The following DCC variants were observed in gnomAD, a reference collection of about 807,000 sequenced individuals.
DCC encodes the protein DCC netrin 1 receptor.
A neutral mutation model predicts 172.5 loss-of-function variants in DCC; 58 were observed. That is an observed-to-expected ratio of 0.34 (90% CI 0.27 to 0.42). DCC has a LOEUF of 0.42. DCC is among the 10% of genes least tolerant of loss of function. The pLI is 1.00. For missense variants in DCC, 1,740 were observed against 1,791.0 expected (o/e 0.97, Z 0.51); for synonymous variants, 709 against 644.5 (o/e 1.10, Z -1.52).
At chr18:53,381,233 T>C (rs1473624846) in intron 15 of DCC, among the ~76,000 whole-genome samples, 1 of 152,100 alleles carries the variant, frequency 6.6e-6, no homozygotes, top group Non-Finnish European at 1.5e-5. Flanking sequence ...TTTTCTTTTT[T>C]AAAAAAGAAA....
intron 7 of DCC, among the ~76,000 whole-genome samples, chr18:53,068,183 G>A (rs2042600870): frequency 6.6e-6 from 1 of 152,116 alleles, no homozygotes; most frequent in Non-Finnish European, 1.5e-5. Flanking sequence ...ATTATTTTCT[G>A]CTGAACTAGT....
intron 1 of DCC, among the ~76,000 whole-genome samples, chr18:52,704,400 CT>C (rs1235687931): frequency 1.8e-4 from 27 of 152,000 alleles, no homozygotes. Context: ...ATATTTGAGG[CT>C]TTCAAAAGCA....
intron 7 of DCC, among the ~76,000 whole-genome samples, chr18:53,077,181 C>CAA (rs2042735080): frequency 6.6e-6 from 1 of 151,956 alleles, no homozygotes; most frequent in Admixed American, 6.6e-5. Flanking sequence ...GCCAATCAGC[C>CAA]AAGCTATTTG....
intron 2 of DCC, among the ~76,000 whole-genome samples, chr18:52,857,594 A>G (rs529569090): frequency 2.6e-4 from 40 of 152,302 alleles, no homozygotes; most frequent in African/African-American, 9.4e-4. Context: ...ATTTAACATC[A>G]TATTTTTATG....
At chr18:52,498,701 T>C (rs189095166) in intron 1 of DCC, among the ~76,000 whole-genome samples, 15 of 152,132 alleles carry the variant, frequency 9.9e-5, no homozygotes, top group Admixed American at 2.0e-4. Context: ...GACCAGTAAG[T>C]CTCATATTCA....
chr18:52,569,405 G>A (rs1214100710), intron 1 of DCC, among the ~76,000 whole-genome samples: 1 of 152,036 alleles, frequency 6.6e-6, no homozygotes, highest in Admixed American at 6.6e-5. Context: ...CACATGACCG[G>A]GCACATCTAA....
At chr18:53,110,098 A>G (rs1598811470) in intron 7 of DCC, among the ~76,000 whole-genome samples, 1 of 151,766 alleles carries the variant, frequency 6.6e-6, no homozygotes, top group African/African-American at 2.4e-5. Context: ...AAGAATGTCT[A>G]ACTCATACTT....
chr18:53,280,500 T>A (rs1449033668), intron 12 of DCC, among the ~76,000 whole-genome samples: 1 of 152,122 alleles, frequency 6.6e-6, no homozygotes, highest in African/African-American at 2.4e-5. Context: ...TTTGAGAAGT[T>A]TTTTGGGTAG....
intron 25 of DCC, among the ~76,000 whole-genome samples, chr18:53,483,101 A>G (rs982724891): frequency 1.2e-4 from 18 of 151,932 alleles, no homozygotes; most frequent in Non-Finnish European, 2.9e-5. Context: ...AGACACAAAG[A>G]CAACAAAATT....
intron 12 of DCC, among the ~76,000 whole-genome samples, chr18:53,220,241 T>C (rs184664489): frequency 3.1e-4 from 47 of 152,244 alleles, no homozygotes; most frequent in African/African-American, 1.1e-3. Context: ...GGGGTTATCT[T>C]CTCTTGGTTA....
At chr18:53,478,949 C>T (rs183663559) in intron 25 of DCC, among the ~76,000 whole-genome samples, 38 of 152,270 alleles carry the variant, frequency 2.5e-4, no homozygotes, top group Admixed American at 7.2e-4. Flanking sequence ...ATATAAGGTG[C>T]GAGAAACCAG....
intron 27 of DCC, among the ~76,000 whole-genome samples, chr18:53,511,024 T>C (rs2046245034): frequency 6.6e-6 from 1 of 152,234 alleles, no homozygotes; most frequent in African/African-American, 2.4e-5. Context: ...AACAAGTCCT[T>C]TATCTTCTTT....
At chr18:52,789,270 G>A (rs1440768517) in intron 2 of DCC, among the ~76,000 whole-genome samples, 1 of 152,104 alleles carries the variant, frequency 6.6e-6, no homozygotes, top group African/African-American at 2.4e-5. Flanking sequence ...TTTCTCAAAA[G>A]AGAGTTTGTG....
chr18:53,286,904 C>T (rs1484056050), intron 12 of DCC, among the ~76,000 whole-genome samples: 2 of 152,010 alleles, frequency 1.3e-5, no homozygotes, highest in East Asian at 1.9e-4. Context: ...ATATATATAA[C>T]AAGACTGGCA....
intron 1 of DCC, among the ~76,000 whole-genome samples, chr18:52,480,636 A>G (rs1243323474): frequency 6.6e-6 from 1 of 152,226 alleles, no homozygotes; most frequent in East Asian, 1.9e-4. Flanking sequence ...GTTGTTCCTA[A>G]TAAATACTCA....
chr18:52,545,349 T>C (rs774183464), intron 1 of DCC, among the ~76,000 whole-genome samples: 1 of 152,212 alleles, frequency 6.6e-6, no homozygotes, highest in Non-Finnish European at 1.5e-5. Flanking sequence ...CCTGATGCTT[T>C]CCTGCAGTGA....
chr18:53,301,197 C>G (rs1208929940), intron 12 of DCC, among the ~76,000 whole-genome samples: 3 of 151,616 alleles, frequency 2.0e-5, no homozygotes, highest in African/African-American at 4.8e-5. Flanking sequence ...TCAAGCGATT[C>G]TCCTGTCTCA....
intron 1 of DCC, among the ~76,000 whole-genome samples, chr18:52,351,626 G>A (rs1419246468): frequency 6.6e-6 from 1 of 152,118 alleles, no homozygotes; most frequent in African/African-American, 2.4e-5. Flanking sequence ...TGAACAGAGG[G>A]AAACAAAACT....
intron 15 of DCC, among the ~76,000 whole-genome samples, chr18:53,343,030 C>A (rs1251261416): frequency 6.6e-6 from 1 of 151,080 alleles, no homozygotes; most frequent in Non-Finnish European, 1.5e-5. Context: ...AACCTTGTAT[C>A]CTAATATCTG....
Sources: gnomAD v4.1 joint callset for allele counts (sites outside exome capture counted in the v4.1 genomes callset) on GRCh38, gnomAD v4.1.1 for gene constraint, MANE v1.5 for transcripts, NCBI Gene and HGNC (gene_info 2026-07-23, HGNC 2026-07-21) for gene names.